The following COQ2 variants were observed in gnomAD, a reference collection of about 807,000 sequenced individuals.
COQ2 encodes coenzyme Q2, polyprenyltransferase, also known as 4-hydroxybenzoate polyprenyltransferase, mitochondrial.
Under a neutral mutation model 35.7 loss-of-function variants are expected in COQ2, and 25 were observed. The observed-to-expected ratio is 0.70, with a 90% confidence interval of 0.51 to 0.98. The LOEUF (loss-of-function observed/expected upper bound fraction) is 0.98. COQ2 is among the 50% of genes least tolerant of loss of function. The probability of loss-of-function intolerance (pLI) is 0.00; values close to 1 mark genes in which losing one functional copy is unlikely to be tolerated. For synonymous variants in COQ2, 206 were observed against 186.2 expected, an observed-to-expected ratio of 1.11 and a Z score of -0.86; for missense variants, 488 against 473.5, an observed-to-expected ratio of 1.03 and a Z score of -0.28.
At chr4:83,284,999 T>A (rs1262269329), upstream of COQ2, 1 of 978,158 alleles carries the variant, frequency 1.0e-6, no homozygotes, top group Non-Finnish European at 1.5e-6. Flanking sequence ...TAAATTTAGT[T>A]GTAATTTTTT....
intron 1 of COQ2, among the ~76,000 whole-genome samples, chr4:83,279,509 A>C (rs1735263316): frequency 1.3e-5 from 2 of 152,164 alleles, no homozygotes; most frequent in South Asian, 4.1e-4. Context: ...ATGTATTTCT[A>C]ATGAGGTTAC....
intron 4 of COQ2, among the ~76,000 whole-genome samples, 165 bp downstream of exon 4, chr4:83,271,922 T>C (rs1383487476): frequency 6.6e-6 from 1 of 152,198 alleles, no homozygotes; most frequent in East Asian, 1.9e-4. Context: ...ATTTCTGAAC[T>C]AATAAAAATA....
chr4:83,266,917 C>A (rs1734932024), intron 6 of COQ2: 1 of 282,730 alleles, frequency 3.5e-6, no homozygotes, highest in Non-Finnish European at 7.0e-6. Context: ...ACTAGAAACC[C>A]AGATTTTTTT....
chr4:83,272,005 A>G, intron 4 of COQ2, 82 bp downstream of exon 4: 2 of 891,024 alleles, frequency 2.2e-6, no homozygotes, highest in Non-Finnish European at 3.4e-6. Flanking sequence ...TTGTCATTTC[A>G]TCTTTACCTA....
chr4:83,278,859 T>C (rs1299629446), intron 2 of COQ2, 89 bp downstream of exon 2: 1 of 1,328,474 alleles, frequency 7.5e-7, no homozygotes, highest in Non-Finnish European at 9.9e-7. Flanking sequence ...AATGATCTTG[T>C]TGCTTTATAT....
At chr4:83,280,777 T>G (rs1735301954) in intron 1 of COQ2, among the ~76,000 whole-genome samples, 1 of 152,154 alleles carries the variant, frequency 6.6e-6, no homozygotes, top group African/African-American at 2.4e-5. Flanking sequence ...GCTAAAACCT[T>G]GAGAAATGGT....
At chr4:83,274,613 T>C (rs1735125976) in intron 2 of COQ2, among the ~76,000 whole-genome samples, 1 of 152,218 alleles carries the variant, frequency 6.6e-6, no homozygotes. Flanking sequence ...TTTTAAAATT[T>C]TCTTTAGTTT....
At position 83,264,272 on chromosome 4, in the gene COQ2, A is replaced by T. The variant is rs915019672; in HGVS notation, c.1043T>A (p.Val348Asp). The change falls in exon 7 of 7, where the codon GTC becomes GAC. Residue 348 changes from valine (V) to aspartate (D), a missense_variant. By Grantham distance (152) the Val-to-Asp change is radical. Transcript: ENST00000647002. ...TLGLIVFLGI[V>D]LGNLWKEKKT... is the part of the protein sequence containing the mutation. ...CTTTTCTTTCCACAAATTCCCAAGG[A>T]CAATCCCTAAAAAAACTATTAGTCC... is the stretch of plus-strand genomic sequence containing the variant. 6.2e-7 allele frequency: 1 copy of T among 1,612,160 alleles called. No individual in the cohort carries two copies. Among genetic ancestry groups the T allele is most frequent in the Non-Finnish European group, 8.5e-7 (1 of 1,179,156 alleles).
rs925405671 is a variant in COQ2, at chr4:83,270,564, T to C, written c.629-571A>G. Among the ~76,000 whole-genome samples, 13 of 152,318 alleles carry C rather than the reference T, an allele frequency of 8.5e-5. 1 individual carries two copies. The highest frequency in any genetic ancestry group is 2.9e-4 in the African/African-American group (12 of 41,568). On this transcript the variant is annotated intron_variant, in intron 4 of 6. Coordinates refer to ENST00000647002, the MANE Select transcript of COQ2 (RefSeq NM_001358921.2). Reference sequence around the variant, plus strand: ...CTGCATACTGAACAGTCTGCTGGACTTCTCTGCCTGCAAGTTGCTCATGTA... The same window carrying C: ...CTGCATACTGAACAGTCTGCTGGACCTCTCTGCCTGCAAGTTGCTCATGTA...
At chr4:83,272,928 T>C (rs944414978) in intron 3 of COQ2, among the ~76,000 whole-genome samples, 1 of 152,200 alleles carries the variant, frequency 6.6e-6, no homozygotes, top group African/African-American at 2.4e-5. Flanking sequence ...CAATTAAGTC[T>C]AGTCTCCATA....
In COQ2 at chr4:83,278,935, A is replaced by T. The variant is rs1735246228; in HGVS notation, c.420+13T>A. ...GAGAAGAGCCTCTCTATTCCTTTTC[A>T]GGATGAAATTACCTTTTTATCATAG... On this transcript the variant is annotated intron_variant, in intron 2 of 6. Transcript: ENST00000647002. 6.4e-7 allele frequency: 1 copy of T among 1,559,406 alleles called. No homozygotes were observed. The highest frequency in any genetic ancestry group is 2.0e-5 in the Admixed American group (1 of 50,374).
rs886059667 is a variant in COQ2 at position 83,264,046 on chromosome 4, T to C, written c.*153A>G. On this transcript the variant is annotated 3_prime_UTR_variant, in exon 7 of 7. Transcript: ENST00000647002. ...CCCTGGTTTCTGTGACAAGGGGGAA[T>C]TTTGCTAGCAAATAAGTAAAATCCA... 9 of 556,872 alleles carry C rather than the reference T, an allele frequency of 1.6e-5. No homozygotes were observed. The highest frequency in any genetic ancestry group is 2.3e-5 in the Non-Finnish European group (8 of 342,856). The allele number at this position is 556,872 out of a possible 1,614,324, so 34.5% of individuals were successfully genotyped here. A position where few individuals can be genotyped will look rare whatever the true frequency, so the allele number is the denominator to read the frequency against.
chr4:83,284,609 G>A lies in COQ2; in HGVS notation c.156C>T (p.Arg52=). Residue 52 remains arginine, a synonymous_variant, in exon 1 of 7, where the codon CGC becomes CGT. Transcript: ENST00000647002. ...CCGCGGACAAACTGAGCTGGCGCCC[G>A]CGCGGCTCGGGACAGGCGGGGGGCT... ...DLQPPACPEP[R]GRQLSLSAAA... The A allele has an allele frequency of 2.6e-6, 4 of 1,533,460 alleles. No homozygotes were observed. The South Asian group carries it at 3.6e-5, about 14-fold the overall frequency. 95.0% of individuals were successfully genotyped at this position (1,533,460 alleles called of 1,614,324 possible). A position where few individuals can be genotyped will look rare whatever the true frequency, so the allele number is the denominator to read the frequency against.
chr4:83,272,767 A>G (rs1735077890), intron 3 of COQ2, among the ~76,000 whole-genome samples: 1 of 152,228 alleles, frequency 6.6e-6, no homozygotes, highest in African/African-American at 2.4e-5. Context: ...TATATGATGC[A>G]GTGTTACTTT....
Position 83,269,890 on chromosome 4 carries a change from TGTCCA to T in COQ2, c.727_731del (p.Trp243ThrfsTer4). 6.2e-7 allele frequency: 1 copy of T among 1,609,264 alleles called. No individual in the cohort carries two copies. The highest frequency in any genetic ancestry group is 8.5e-7 in the Non-Finnish European group (1 of 1,176,264). ...GGGCATAAATAGTATCATATATTAG[TGTCCA>T]CATAACTCCAGAAAAATAAAGAGGC... On this transcript the variant is annotated frameshift_variant, in exon 5 of 7. Transcript: ENST00000647002. LOFTEE classifies it high-confidence loss of function.
intron 6 of COQ2, chr4:83,267,227 A>T (rs1190145269): frequency 2.2e-6 from 1 of 454,090 alleles, no homozygotes; most frequent in Non-Finnish European, 4.4e-6. Context: ...AATAAAAAAA[A>T]TTAGCCAGGC....
chr4:83,284,473 A>G, intron 1 of COQ2, 39 bp downstream of exon 1: 1 of 1,532,604 alleles, frequency 6.5e-7, no homozygotes, highest in Non-Finnish European at 8.8e-7. Flanking sequence ...GGAGGCTGCT[A>G]CTTGCAAATT....
At chr4:83,275,415 CTTT>C (rs11293285) in intron 2 of COQ2, among the ~76,000 whole-genome samples, 1 of 147,958 alleles carries the variant, frequency 6.8e-6, no homozygotes. Flanking sequence ...GCCAAGTAGG[CTTT>C]TTTTTTTTTA....
chr4:83,264,470 A>T, intron 6 of COQ2, 107 bp from the exon 7 acceptor site: 1 of 1,451,260 alleles, frequency 6.9e-7, no homozygotes, highest in Non-Finnish European at 9.1e-7. Context: ...AAAAAATACA[A>T]ATATAAAAAA....
Sources: gnomAD v4.1 joint callset for allele counts (sites outside exome capture counted in the v4.1 genomes callset) on GRCh38, gnomAD v4.1.1 for gene constraint, MANE v1.5 for transcripts, NCBI Gene and HGNC (gene_info 2026-07-23, HGNC 2026-07-21) for gene names.